F8: variants seen among roughly 807,000 people sequenced by gnomAD.
F8 encodes antihemophilic factor.
In F8, 12 loss-of-function variants were observed where a neutral mutation model predicts 140.6. The observed-to-expected ratio is 0.09, with a 90% CI of 0.05 to 0.14. The LOEUF (loss-of-function observed/expected upper bound fraction) is 0.14. Ranked by LOEUF, F8 falls within the 10% of genes least tolerant of loss-of-function variation. The pLI is 1.00. For synonymous variants in F8, 585 were observed against 614.6 expected, an observed-to-expected ratio of 0.95 and a Z score of 0.71; for missense variants, 1,354 against 1,720.7, an observed-to-expected ratio of 0.79 and a Z score of 3.77.
At position 154,972,147 on chromosome X, in the gene F8, G is replaced by A. The variant is rs1448264879; in HGVS notation, c.788-2595C>T. Among the ~76,000 whole-genome samples, 19 of 112,126 alleles carry A rather than the reference G, an allele frequency of 1.7e-4. No individual in the cohort carries two copies. In the Admixed American group the frequency reaches 1.8e-3, roughly 11 times the overall value. ...ACTAATTTATATTCCCACCAACAGTGTATAAGGGTTTCTTTGTCTCCACAT... is the reference window on the plus strand; with the variant it reads ...ACTAATTTATATTCCCACCAACAGTATATAAGGGTTTCTTTGTCTCCACAT... On this transcript the variant is annotated intron_variant, in intron 6 of 25. Transcript: ENST00000360256.
chrX:154,916,998 T>C (rs1429929428), intron 14 of F8, among the ~76,000 whole-genome samples: 1 of 111,316 alleles, frequency 9.0e-6, no homozygotes, highest in Non-Finnish European at 1.9e-5. Flanking sequence ...TTTTCATTTG[T>C]TTCAATAAAT....
rs781967845 is a variant in F8 at position 154,987,318 on chromosome X, TG to T, written c.602-14del. On this transcript the variant is annotated splice_polypyrimidine_tract_variant and intron_variant, in intron 4 of 25. Transcript: ENST00000360256. The stretch of plus-strand genomic sequence containing the variant: ...TTGGCCAGACTCCCTGAAAAAGAAG[TG>T]AGAACATTTATCTTCTATTTAAAAA... 3 of 1,191,458 alleles carry T rather than the reference TG, an allele frequency of 2.5e-6. No homozygotes were observed. Among genetic ancestry groups the T allele is most frequent in the Non-Finnish European group, 3.4e-6 (3 of 877,468 alleles).
At chrX:154,840,879 G>A (rs2072514162) in intron 25 of F8, among the ~76,000 whole-genome samples, 1 of 112,286 alleles carries the variant, frequency 8.9e-6, no homozygotes, top group Admixed American at 9.5e-5. Context: ...ATCAAGATGA[G>A]CCGTACGGCC....
chrX:154,966,357 G>A lies in F8; in HGVS notation c.1271+69C>T. ...TTAAACATGGCTTCAGGATTTGTTG[G>A]TTTGAATAACTGGTAAGAACTTTTT... On this transcript the variant is annotated intron_variant, in intron 8 of 25. Coordinates refer to ENST00000360256, the MANE Select transcript of F8 (RefSeq NM_000132.4). 4.3e-6 allele frequency: 5 copies of A among 1,167,294 alleles called. No individual in the cohort carries two copies. In the South Asian group the frequency reaches 7.6e-5, roughly 18 times the overall value.
chrX:155,022,165 T>C (rs966057719), intron 1 of F8, among the ~76,000 whole-genome samples: 1 of 111,842 alleles, frequency 8.9e-6, no homozygotes, highest in African/African-American at 3.3e-5. Flanking sequence ...AGGAGCAGCA[T>C]ATGACGAAGA....
In F8 at chrX:154,876,142, C is replaced by T. The variant is rs368392558; in HGVS notation, c.6430-12915G>A. ...TTTTTTTTTTTTTTTTTTTTTGAGA[C>T]GGAGTCTCGCTCTGTCGCCCAGGCT... On this transcript the variant is annotated intron_variant, in intron 22 of 25. Transcript: ENST00000360256. Among the ~76,000 whole-genome samples the T allele has an allele frequency of 4.0e-4, 34 of 85,561 alleles. 1 individual carries two copies. In the East Asian group the frequency reaches 4.4e-3, roughly 11 times the overall value. The allele number at this position is 85,561 out of a possible 115,157, so 74.3% of individuals were successfully genotyped here.
intron 25 of F8, among the ~76,000 whole-genome samples, chrX:154,850,283 C>T (rs2072604660): frequency 9.1e-6 from 1 of 109,611 alleles, no homozygotes; most frequent in African/African-American, 3.3e-5. Context: ...CGCATGCCAG[C>T]ATGTCCAGCT....
chrX:154,982,309 A>T (rs782553252), intron 6 of F8, among the ~76,000 whole-genome samples: 17 of 103,844 alleles, frequency 1.6e-4, no homozygotes, highest in African/African-American at 4.9e-4. Context: ...TAGCCAGTCG[A>T]GGTGGCGGGC....
At chrX:154,874,955 CCAT>C (rs1436755664) in intron 22 of F8, among the ~76,000 whole-genome samples, 1 of 111,731 alleles carries the variant, frequency 9.0e-6, no homozygotes, top group African/African-American at 3.3e-5. Flanking sequence ...CTAAGTGTGT[CCAT>C]TGATGGATGG....
chrX:154,947,957 T>C, intron 12 of F8, 50 bp from the exon 13 acceptor site: 3 of 970,504 alleles, frequency 3.1e-6, no homozygotes, highest in Non-Finnish European at 2.9e-6. Context: ...AGATTTAGTA[T>C]TTTGGATTGT....
rs1557278852 is a variant in F8 at position 154,931,561 on chromosome X, T to C, written c.2229A>G (p.Glu743=). 1 of 1,210,770 alleles carries C rather than the reference T, an allele frequency of 8.3e-7. No homozygotes were observed. The change falls in exon 14 of 26, where the codon GAA becomes GAG. Residue 743 remains glutamate, a synonymous_variant. Transcript: ENST00000360256. ...NTGDYYEDSY[E]DISAYLLSKN... is the part of the protein sequence containing the mutation. Reference sequence around the variant, plus strand: ...TACTCAGCAAGTATGCTGAAATATCTTCATAACTGTCCTCGTAATAATCAC... The same window carrying C: ...TACTCAGCAAGTATGCTGAAATATCCTCATAACTGTCCTCGTAATAATCAC...
In F8 at chrX:154,942,923, A is replaced by T. The variant is rs781908065; in HGVS notation, c.2113+4775T>A. Among the ~76,000 whole-genome samples, 7 of 108,758 alleles carry T rather than the reference A, an allele frequency of 6.4e-5. No homozygotes were observed. The East Asian group carries it at 1.7e-3, about 27-fold the overall frequency. The allele number at this position is 108,758 out of a possible 115,157, so 94.4% of individuals were successfully genotyped here. The stretch of plus-strand genomic sequence containing the variant: ...CAGAACCAAAGACAAAAACCACATG[A>T]TTATCTCAATAGATGCAGAAAAGGC... On this transcript the variant is annotated intron_variant, in intron 13 of 25. Transcript: ENST00000360256.
chrX:154,920,739 C>A (rs1219511452), intron 14 of F8, among the ~76,000 whole-genome samples: 2 of 112,116 alleles, frequency 1.8e-5, no homozygotes, highest in Non-Finnish European at 3.8e-5. Context: ...CAGCCATGAG[C>A]CACTGTGCCC....
intron 2 of F8, among the ~76,000 whole-genome samples, chrX:154,998,174 T>C (rs1477077931): frequency 8.8e-6 from 1 of 113,104 alleles, no homozygotes; most frequent in East Asian, 2.8e-4. Context: ...TCTTAGGTTC[T>C]AACAAGTCCA....
chrX:154,966,161 A>G lies in F8; in HGVS notation c.1272-20T>C. 1 of 1,198,038 alleles carries G rather than the reference A, an allele frequency of 8.3e-7. No individual in the cohort carries two copies. Among genetic ancestry groups the G allele is most frequent in the East Asian group, 3.0e-5 (1 of 33,731 alleles). On this transcript the variant is annotated intron_variant, in intron 8 of 25. Coordinates refer to ENST00000360256, the MANE Select transcript of F8 (RefSeq NM_000132.4). ...TAACTTCTGTATAAGAGAAAAAAAGATGAGAGGTTGGGAAGAAAAATTCTA... is the reference window on the plus strand; with the variant it reads ...TAACTTCTGTATAAGAGAAAAAAAGGTGAGAGGTTGGGAAGAAAAATTCTA...
chrX:154,952,644 G>A (rs1557280827), intron 12 of F8, among the ~76,000 whole-genome samples: 1 of 109,035 alleles, frequency 9.2e-6, no homozygotes, highest in Non-Finnish European at 1.9e-5. Flanking sequence ...CCGGGTTCAC[G>A]CCATTCTCCT....
intron 4 of F8, among the ~76,000 whole-genome samples, chrX:154,991,681 C>T (rs1221432597): frequency 8.9e-6 from 1 of 112,121 alleles, no homozygotes; most frequent in African/African-American, 3.2e-5. Flanking sequence ...AAATAATACA[C>T]TGTGGTTTTG....
At position 154,928,646 on chromosome X, in the gene F8, C is replaced by T. The variant is rs781876217; in HGVS notation, c.5144G>A (p.Arg1715Gln). ...CTCCACTGCAGCAATAAAATAGTGT[C>T]GTGTTTTCTTTTGAAAGCTGCGGGG... ...QSPRSFQKKT[R>Q]HYFIAAVERL... Residue 1715 changes from arginine (R) to glutamine (Q), a missense_variant, in exon 14 of 26, where the codon CGA becomes CAA. Physicochemically the swap from Arg to Gln is conservative, Grantham distance 43. This residue lies in a region of F8 where 316 missense variants were observed against 485.4 expected (regional missense o/e 0.65). Transcript: ENST00000360256. The T allele has an allele frequency of 9.1e-6, 11 of 1,208,909 alleles. No individual in the cohort carries two copies. In the Admixed American group the frequency reaches 1.1e-4, roughly 12 times the overall value.
At chrX:155,007,113 C>T (rs1223295248) in intron 1 of F8, among the ~76,000 whole-genome samples, 13 of 109,185 alleles carry the variant, frequency 1.2e-4, no homozygotes, top group Admixed American at 1.9e-4. Context: ...AGGGCCAGGG[C>T]CCAGCGTACT....
Sources: gnomAD v4.1 joint callset for allele counts (sites outside exome capture counted in the v4.1 genomes callset) on GRCh38, gnomAD v4.1.1 for gene constraint, gnomAD v4.1.1 regional missense constraint, MANE v1.5 for transcripts, NCBI Gene and HGNC (gene_info 2026-07-23, HGNC 2026-07-21) for gene names.